IL1RAPL1: variants seen among roughly 807,000 people sequenced by gnomAD.
IL1RAPL1 encodes interleukin-1 receptor accessory protein-like 1.
IL1RAPL1 carries 3 observed loss-of-function variants against 48.4 expected under a neutral mutation model. The observed-to-expected ratio is 0.06, with a 90% CI of 0.03 to 0.16. The LOEUF is 0.16. Ranked by LOEUF, IL1RAPL1 falls within the 10% of genes least tolerant of loss-of-function variation. IL1RAPL1 has a pLI of 1.00. For synonymous variants in IL1RAPL1, 185 were observed against 187.7 expected, an observed-to-expected ratio of 0.99 and a Z score of 0.12; for missense variants, 349 against 530.6, an observed-to-expected ratio of 0.66 and a Z score of 3.36.
At chrX:29,328,642 T>TATATAG (rs1349588059) in intron 3 of IL1RAPL1, among the ~76,000 whole-genome samples, 7 of 103,998 alleles carry the variant, frequency 6.7e-5, no homozygotes, top group Admixed American at 2.1e-4. Context: ...TATATATATA[T>TATATAG]AGAGAGAGAG....
chrX:29,931,223 A>G lies in IL1RAPL1; in HGVS notation c.1058-10428A>G, dbSNP rs963102517. On this transcript the variant is annotated intron_variant, in intron 8 of 10. Transcript: ENST00000378993. ...CTTGAAAGCATCTCTTTACAAAATGAGAAAGAAAGGCAAATTTACCACTAT... is the reference window on the plus strand; with the variant it reads ...CTTGAAAGCATCTCTTTACAAAATGGGAAAGAAAGGCAAATTTACCACTAT... 2.7e-5 allele frequency among the ~76,000 whole-genome samples: 3 copies of G among 111,435 alleles called. No homozygotes were observed. In the Admixed American group the frequency reaches 2.9e-4, roughly 11 times the overall value.
At chrX:29,206,239 G>C (rs760143966) in intron 2 of IL1RAPL1, among the ~76,000 whole-genome samples, 6 of 110,236 alleles carry the variant, frequency 5.4e-5, no homozygotes, top group Admixed American at 9.8e-5. Context: ...TATTTATTTT[G>C]TGTATGTATA....
At chrX:29,615,569 G>A (rs976635792) in intron 5 of IL1RAPL1, among the ~76,000 whole-genome samples, 1 of 110,909 alleles carries the variant, frequency 9.0e-6, no homozygotes, top group Non-Finnish European at 1.9e-5. Context: ...ACTAAGTGAG[G>A]GCAAAGATAC....
Position 29,442,367 on chromosome X carries a change from G to A in IL1RAPL1, c.703+43059G>A, listed in dbSNP as rs776791407. ...TAATTGGGGGAAAGAGTGGGAGGGG[G>A]GTGAGGGATAGAAGGCTACAAATAT... On this transcript the variant is annotated intron_variant, in intron 5 of 10. Transcript: ENST00000378993. Among the ~76,000 whole-genome samples, 346 of 109,369 alleles carry A rather than the reference G, an allele frequency of 3.2e-3. 1 individual carries two copies. Among genetic ancestry groups the A allele is most frequent in the African/African-American group, 9.6e-3 (289 of 30,029 alleles). 95.0% of individuals were successfully genotyped at this position (109,369 alleles called of 115,157 possible).
At chrX:29,442,491 A>G (rs767277093) in intron 5 of IL1RAPL1, among the ~76,000 whole-genome samples, 2 of 111,825 alleles carry the variant, frequency 1.8e-5, no homozygotes, top group African/African-American at 6.5e-5. Context: ...GTACCCCAAT[A>G]ACTTATGGAA....
chrX:29,430,332 T>C (rs750685780), intron 5 of IL1RAPL1, among the ~76,000 whole-genome samples: 1 of 109,424 alleles, frequency 9.1e-6, no homozygotes, highest in African/African-American at 3.3e-5. Context: ...AGGTAGAGAG[T>C]GGTAAAAATG....
At chrX:28,960,846 A>T (rs932951787) in intron 2 of IL1RAPL1, among the ~76,000 whole-genome samples, 7 of 108,210 alleles carry the variant, frequency 6.5e-5, no homozygotes, top group Admixed American at 6.0e-4. Flanking sequence ...GTCTCTACTA[A>T]AAAAATACAA....
At chrX:28,955,779 A>G (rs1395806557) in intron 2 of IL1RAPL1, among the ~76,000 whole-genome samples, 4 of 95,573 alleles carry the variant, frequency 4.2e-5, no homozygotes, top group Non-Finnish European at 8.2e-5. Context: ...TTTTGGTTTC[A>G]TATGAACTTT....
At chrX:28,940,490 A>G (rs1229443058) in intron 2 of IL1RAPL1, among the ~76,000 whole-genome samples, 2 of 110,909 alleles carry the variant, frequency 1.8e-5, no homozygotes. Context: ...TGAACAGTTT[A>G]GAATATGATC....
intron 5 of IL1RAPL1, among the ~76,000 whole-genome samples, chrX:29,648,720 G>A (rs1387861530): frequency 9.0e-6 from 1 of 111,006 alleles, no homozygotes. Flanking sequence ...TGCACTGCAA[G>A]GAACTAGAAA....
intron 5 of IL1RAPL1, among the ~76,000 whole-genome samples, chrX:29,536,366 C>T (rs931034591): frequency 5.4e-5 from 6 of 110,765 alleles, no homozygotes; most frequent in Non-Finnish European, 1.1e-4. Flanking sequence ...ATTTTTCAGG[C>T]GAAAAGAAGT....
At chrX:29,053,467 A>G (rs1261332816) in intron 2 of IL1RAPL1, among the ~76,000 whole-genome samples, 1 of 112,114 alleles carries the variant, frequency 8.9e-6, no homozygotes, top group Non-Finnish European at 1.9e-5. Flanking sequence ...GCTTTCCACA[A>G]TGGATGAACT....
At chrX:29,135,294 G>A (rs997446880) in intron 2 of IL1RAPL1, among the ~76,000 whole-genome samples, 12 of 111,829 alleles carry the variant, frequency 1.1e-4, no homozygotes, top group African/African-American at 1.6e-4. Context: ...TTTCCGAGAT[G>A]TAGTTTAACA....
intron 2 of IL1RAPL1, among the ~76,000 whole-genome samples, chrX:29,064,072 C>G: frequency 9.0e-6 from 1 of 111,582 alleles, no homozygotes; most frequent in East Asian, 2.8e-4. Flanking sequence ...GTCATTATTT[C>G]CTACCCAAGA....
intron 6 of IL1RAPL1, among the ~76,000 whole-genome samples, chrX:29,708,173 A>G (rs1454552030): frequency 1.8e-5 from 2 of 110,743 alleles, no homozygotes; most frequent in Non-Finnish European, 3.8e-5. Context: ...GGATGTTTTG[A>G]TCTATGTATA....
At chrX:28,898,069 T>A (rs1239325667) in intron 2 of IL1RAPL1, among the ~76,000 whole-genome samples, 1 of 111,809 alleles carries the variant, frequency 8.9e-6, no homozygotes. Flanking sequence ...CATTTACATT[T>A]CACTTCTTTT....
chrX:29,086,140 A>G (rs751623154), intron 2 of IL1RAPL1, among the ~76,000 whole-genome samples: 4 of 112,265 alleles, frequency 3.6e-5, no homozygotes, highest in African/African-American at 6.5e-5. Context: ...CAGTGCTAAG[A>G]TATTCATTTG....
At chrX:29,069,821 C>T (rs1301025877) in intron 2 of IL1RAPL1, among the ~76,000 whole-genome samples, 1 of 111,662 alleles carries the variant, frequency 9.0e-6, no homozygotes, top group Non-Finnish European at 1.9e-5. Flanking sequence ...GATTGTTCTC[C>T]TTTCCTGAAT....
chrX:29,909,773 G>A (rs1418222112), intron 6 of IL1RAPL1, among the ~76,000 whole-genome samples: 1 of 111,845 alleles, frequency 8.9e-6, no homozygotes, highest in Non-Finnish European at 1.9e-5. Flanking sequence ...AACAGATGCT[G>A]GCAAGGTTGT....
Sources: allele counts gnomAD v4.1 joint callset (sites outside exome capture counted in the v4.1 genomes callset), GRCh38; gene constraint gnomAD v4.1.1; transcripts MANE v1.5; gene names NCBI Gene and HGNC (gene_info 2026-07-23, HGNC 2026-07-21).